Variants in MAP3K20 observed in about 807,000 individuals in gnomAD.
MAP3K20 encodes the protein HCCS-4.
A neutral mutation model predicts 85.7 loss-of-function variants in MAP3K20; 40 were observed. The ratio of observed to expected loss-of-function variants is 0.47; its 90% CI spans 0.36 to 0.61. MAP3K20 has a LOEUF of 0.61. MAP3K20 is among the 20% of genes least tolerant of loss of function. MAP3K20 has a pLI of 0.00. For synonymous variants in MAP3K20, 325 were observed against 327.7 expected (o/e 0.99, Z 0.09); for missense variants, 817 against 961.7 (o/e 0.85, Z 1.99).
chr2:173,143,791 A>G (rs1689045036), intron 2 of MAP3K20, among the ~76,000 whole-genome samples: 1 of 152,204 alleles, frequency 6.6e-6, no homozygotes, highest in Admixed American at 6.5e-5. Context: ...AATCTACAAA[A>G]CAAATACTAG....
In MAP3K20 at chr2:173,229,721, G is replaced by C. The variant is rs201394695; in HGVS notation, c.1020G>C (p.Thr340=). ...LLPSFEIGAW[T]EDDVYCWVQQ... is the part of the protein sequence containing the mutation. ...CTTCCTTTGAGATTGGTGCATGGACGGAAGACGATGTGGTAAGCTCTTTGT... is the reference window on the plus strand; with the variant it reads ...CTTCCTTTGAGATTGGTGCATGGACCGAAGACGATGTGGTAAGCTCTTTGT... Residue 340 remains threonine (T), a synonymous_variant, in exon 12 of 20, where the codon ACG becomes ACC. Coordinates refer to ENST00000375213, the MANE Select transcript of MAP3K20 (RefSeq NM_016653.3). 2 of 1,613,962 alleles carry C rather than the reference G, an allele frequency of 1.2e-6. No individual in the cohort carries two copies. The highest frequency in any genetic ancestry group is 1.7e-6 in the Non-Finnish European group (2 of 1,179,984).
intron 10 of MAP3K20, among the ~76,000 whole-genome samples, chr2:173,213,802 A>C (rs1683985831): frequency 6.6e-6 from 1 of 152,256 alleles, no homozygotes; most frequent in Admixed American, 6.5e-5. Flanking sequence ...GCTAAGAGAA[A>C]TATTACAGGG....
intron 2 of MAP3K20, among the ~76,000 whole-genome samples, chr2:173,163,005 A>G (rs894672667): frequency 1.3e-5 from 2 of 152,236 alleles, no homozygotes; most frequent in Non-Finnish European, 2.9e-5. Flanking sequence ...ATACCCATCA[A>G]CAGGTTGTTG....
In MAP3K20 at chr2:173,217,014, C is replaced by A; in HGVS notation, c.852-101C>A. ...CAGTTACCTGGTTGATTTTAAAGCA[C>A]CAGCATGTGTCTTTTACTTTGATTA... On this transcript the variant is annotated intron_variant, in intron 10 of 19. Coordinates refer to ENST00000375213, the MANE Select transcript of MAP3K20 (RefSeq NM_016653.3). 4 of 1,190,420 alleles carry A rather than the reference C, an allele frequency of 3.4e-6. No homozygotes were observed. In the South Asian group the frequency reaches 1.1e-4, roughly 32 times the overall value. 73.7% of individuals were successfully genotyped at this position (1,190,420 alleles called of 1,614,324 possible). A position where few individuals can be genotyped will look rare whatever the true frequency, so the allele number is the denominator to read the frequency against.
chr2:173,158,000 GT>G (rs1275694070), intron 2 of MAP3K20, among the ~76,000 whole-genome samples: 1 of 151,840 alleles, frequency 6.6e-6, no homozygotes, highest in East Asian at 1.9e-4. Flanking sequence ...AAGTGGAGTG[GT>G]ATGGTTTACT....
rs77849276 is a variant in MAP3K20 at position 173,080,869 on chromosome 2, T to A, written c.-35+4867T>A. Among the ~76,000 whole-genome samples, 1,346 of 152,260 alleles carry A rather than the reference T, an allele frequency of 8.8e-3. 21 individuals are homozygous for A. Among genetic ancestry groups the A allele is most frequent in the African/African-American group, 0.03 (1,237 of 41,544 alleles). On this transcript the variant is annotated intron_variant, in intron 1 of 19. Transcript: ENST00000375213. ...TAGCTAATTTTGAGCAAGGCCCCAA[T>A]ACCCTTCTTTCTGGACTCATCTCCA...
chr2:173,197,820 C>T (rs548777127), intron 7 of MAP3K20: 51 of 264,088 alleles, frequency 1.9e-4, no homozygotes, highest in Middle Eastern at 1.3e-3. Flanking sequence ...AATTTCTAAA[C>T]CAGGTTTTTT....
rs142070380 is a variant in MAP3K20 at position 173,094,735 on chromosome 2, T to C, written c.159+3545T>C. 1.6e-3 allele frequency among the ~76,000 whole-genome samples: 244 copies of C among 152,340 alleles called. 1 individual carries two copies. Among genetic ancestry groups the C allele is most frequent in the African/African-American group, 5.6e-3 (234 of 41,570 alleles). ...TGGCAGGAAAACTACATAGGTTGTG[T>C]GTCCTTGGTGTGTCTTAATGGGTGT... On this transcript the variant is annotated intron_variant, in intron 2 of 19. Coordinates refer to ENST00000375213, the MANE Select transcript of MAP3K20 (RefSeq NM_016653.3).
At chr2:173,223,019 A>C (rs2028382) in intron 11 of MAP3K20, 460,955 of 985,180 alleles carry the variant, frequency 0.47, 112,061 homozygotes, top group Non-Finnish European at 0.5. Flanking sequence ...AAAGGACATC[A>C]TCATAGATAT....
intron 2 of MAP3K20, among the ~76,000 whole-genome samples, chr2:173,114,676 G>A (rs1688067447): frequency 6.6e-6 from 1 of 152,136 alleles, no homozygotes; most frequent in African/African-American, 2.4e-5. Context: ...AGCTTCACTC[G>A]ATACAAAATT....
intron 2 of MAP3K20, among the ~76,000 whole-genome samples, chr2:173,134,405 TATATATATA>T (rs1688721283): frequency 3.1e-4 from 3 of 9,716 alleles, no homozygotes; most frequent in South Asian, 2.3e-3. Flanking sequence ...TATATATATA[TATATATATA>T]TATATATATA....
chr2:173,225,464 C>A, intron 11 of MAP3K20: 2 of 482,112 alleles, frequency 4.1e-6, no homozygotes, highest in Non-Finnish European at 5.4e-6. Flanking sequence ...TGTGGTGTCA[C>A]ATGCCAGTAA....
intron 16 of MAP3K20, among the ~76,000 whole-genome samples, chr2:173,240,057 T>C (rs1298482867): frequency 6.6e-6 from 1 of 152,228 alleles, no homozygotes; most frequent in African/African-American, 2.4e-5. Flanking sequence ...AAATAGCTAA[T>C]GATAATAATG....
Position 173,204,780 on chromosome 2 carries a change from A to G in MAP3K20, c.744+910A>G, listed in dbSNP as rs566684993. Among the ~76,000 whole-genome samples, 18 of 152,320 alleles carry G rather than the reference A, an allele frequency of 1.2e-4. No individual in the cohort carries two copies. The South Asian group carries it at 3.7e-3, about 32-fold the overall frequency. Reference sequence around the variant, plus strand: ...ATTATATTGTTATCTCTACTTTTGTATATTTTGGAATTTTCCATAATGAGT... The same window carrying G: ...ATTATATTGTTATCTCTACTTTTGTGTATTTTGGAATTTTCCATAATGAGT... On this transcript the variant is annotated intron_variant, in intron 9 of 19. Coordinates refer to ENST00000375213, the MANE Select transcript of MAP3K20 (RefSeq NM_016653.3).
Position 173,182,961 on chromosome 2 carries a change from A to T in MAP3K20, c.349+6A>T. On this transcript the variant is annotated splice_donor_region_variant and intron_variant, in intron 4 of 19. Transcript: ENST00000375213. ...GGCCACTGATGTAGCCAAAGGTAAT[A>T]ATATTTGGTATATTCTTATAGAATT... 1 of 1,595,622 alleles carries T rather than the reference A, an allele frequency of 6.3e-7. No individual in the cohort carries two copies. The highest frequency in any genetic ancestry group is 1.1e-5 in the South Asian group (1 of 87,544).
chr2:173,223,312 G>T (rs796571375), intron 11 of MAP3K20: 1 of 927,184 alleles, frequency 1.1e-6, no homozygotes, highest in South Asian at 5.0e-5. Context: ...ATCTTTGTGC[G>T]TCTGTTTGCT....
At chr2:173,258,218 A>G (rs535294088) in intron 16 of MAP3K20, among the ~76,000 whole-genome samples, 1 of 152,300 alleles carries the variant, frequency 6.6e-6, no homozygotes, top group Admixed American at 6.5e-5. Flanking sequence ...GAGGAAAGTG[A>G]GAGTTTCTTG....
intron 2 of MAP3K20, among the ~76,000 whole-genome samples, chr2:173,133,392 G>A (rs1688671671): frequency 6.6e-6 from 1 of 152,200 alleles, no homozygotes; most frequent in Admixed American, 6.5e-5. Flanking sequence ...CCAGTGAAAT[G>A]AGAGTAGATG....
intron 2 of MAP3K20, among the ~76,000 whole-genome samples, chr2:173,102,788 G>T (rs1252142176): frequency 6.6e-6 from 1 of 152,164 alleles, no homozygotes; most frequent in African/African-American, 2.4e-5. Flanking sequence ...GTCGGAAACT[G>T]AATTGCTTCC....
Sources: allele counts gnomAD v4.1 joint callset (sites outside exome capture counted in the v4.1 genomes callset), GRCh38; gene constraint gnomAD v4.1.1; transcripts MANE v1.5; gene names NCBI Gene and HGNC (gene_info 2026-07-23, HGNC 2026-07-21).